RUNDC3B: variants seen among roughly 807,000 people sequenced by gnomAD.
RUNDC3B encodes RUN domain-containing protein 3B.
A neutral mutation model predicts 58.4 loss-of-function variants in RUNDC3B; 33 were observed. The ratio of observed to expected loss-of-function variants is 0.56; its 90% confidence interval spans 0.43 to 0.75. The LOEUF (loss-of-function observed/expected upper bound fraction) is 0.75, where lower values mean the gene tolerates loss of function less well. Ranked by LOEUF, RUNDC3B falls within the 30% of genes least tolerant of loss-of-function variation. The pLI is 0.00. For missense variants in RUNDC3B, 501 were observed against 535.7 expected (o/e 0.94, Z 0.64); for synonymous variants, 193 against 195.2 (o/e 0.99, Z 0.10).
chr7:87,703,416 C>T (rs1180235881), intron 3 of RUNDC3B, among the ~76,000 whole-genome samples: 6 of 152,086 alleles, frequency 3.9e-5, no homozygotes, highest in Non-Finnish European at 5.9e-5. Context: ...TTTTTAGCTC[C>T]TTAATATGAA....
Position 87,831,580 on chromosome 7 carries a change from A to G in RUNDC3B, c.*1550A>G, listed in dbSNP as rs893520461. On this transcript the variant is annotated 3_prime_UTR_variant, in exon 11 of 11. Coordinates refer to ENST00000394654, the MANE Select transcript of RUNDC3B (RefSeq NM_001134405.2). ...GGCTTCAATACTTGTAGAAATGCAA[A>G]TATTCTTGAGAAATGATACATTTTT... 3 of 151,924 alleles carry G rather than the reference A, an allele frequency of 2.0e-5. No homozygotes were observed. The highest frequency in any genetic ancestry group is 7.2e-5 in the African/African-American group (3 of 41,410). The allele number at this position is 151,924 out of a possible 1,614,324, so 9.4% of individuals were successfully genotyped here. A position where few individuals can be genotyped will look rare whatever the true frequency, so the allele number is the denominator to read the frequency against.
intron 8 of RUNDC3B, among the ~76,000 whole-genome samples, chr7:87,797,082 T>A (rs1429752176): frequency 2.0e-5 from 3 of 152,198 alleles, no homozygotes; most frequent in South Asian, 4.1e-4. Flanking sequence ...GCACAAAGTG[T>A]ATAAAGATGT....
At chr7:87,773,191 C>T (rs1222792623) in intron 7 of RUNDC3B, among the ~76,000 whole-genome samples, 3 of 151,976 alleles carry the variant, frequency 2.0e-5, no homozygotes, top group Admixed American at 6.5e-5. Flanking sequence ...GGCATGGTGG[C>T]GGGCACCTGT....
Position 87,740,300 on chromosome 7 carries a change from G to A in RUNDC3B, c.548+420G>A, listed in dbSNP as rs893235100. Among the ~76,000 whole-genome samples the A allele has an allele frequency of 7.3e-5, 11 of 151,682 alleles. 1 individual carries two copies. Among genetic ancestry groups the A allele is most frequent in the Middle Eastern group, 3.4e-3 (1 of 294 alleles). ...ATAAGATCCTGAGAGGCTATCTTGG[G>A]TATCTTACGTCTCTTATGTTATGTA... On this transcript the variant is annotated intron_variant, in intron 5 of 10. Coordinates refer to ENST00000394654, the MANE Select transcript of RUNDC3B (RefSeq NM_001134405.2).
At chr7:87,803,790 A>G (rs1376949858) in intron 8 of RUNDC3B, among the ~76,000 whole-genome samples, 1 of 152,120 alleles carries the variant, frequency 6.6e-6, no homozygotes. Flanking sequence ...GCTGTCCGTG[A>G]ATATTTTGCA....
chr7:87,639,459 G>A (rs956461296), intron 1 of RUNDC3B, among the ~76,000 whole-genome samples: 2 of 151,932 alleles, frequency 1.3e-5, no homozygotes, highest in African/African-American at 2.4e-5. Context: ...CTTGTTTTTT[G>A]TATACTCTTT....
At chr7:87,702,867 G>A (rs1829215574) in intron 3 of RUNDC3B, among the ~76,000 whole-genome samples, 2 of 152,052 alleles carry the variant, frequency 1.3e-5, no homozygotes, top group African/African-American at 4.8e-5. Context: ...CTCAAAATCT[G>A]AAATACTCTT....
chr7:87,793,570 A>T lies in RUNDC3B; in HGVS notation c.957-13803A>T, dbSNP rs140722389. 5.7e-3 allele frequency among the ~76,000 whole-genome samples: 865 copies of T among 152,300 alleles called. 2 individuals are homozygous for T. The highest frequency in any genetic ancestry group is 8.7e-3 in the Non-Finnish European group (594 of 67,992). On this transcript the variant is annotated intron_variant, in intron 8 of 10. Transcript: ENST00000394654. ...CATCATATCAACAGAATGAAGGATTAAAAACCATATGATCATTTCAATCAT... is the reference window on the plus strand; with the variant it reads ...CATCATATCAACAGAATGAAGGATTTAAAACCATATGATCATTTCAATCAT...
At chr7:87,777,983 T>C (rs1563203397) in intron 8 of RUNDC3B, 28 bp downstream of exon 8, 1 of 1,589,074 alleles carries the variant, frequency 6.3e-7, no homozygotes. Flanking sequence ...AGAAAAATGT[T>C]GGTAGCATGT....
chr7:87,681,519 A>G (rs933542879), intron 2 of RUNDC3B, among the ~76,000 whole-genome samples: 5 of 150,862 alleles, frequency 3.3e-5, no homozygotes, highest in African/African-American at 1.2e-4. Flanking sequence ...ACTGTAATCT[A>G]TTAAGTGTGT....
chr7:87,795,173 C>T (rs1408909440), intron 8 of RUNDC3B, among the ~76,000 whole-genome samples: 1 of 152,270 alleles, frequency 6.6e-6, no homozygotes, highest in Non-Finnish European at 1.5e-5. Flanking sequence ...AGAAAACAAT[C>T]AACAAAGTAA....
intron 6 of RUNDC3B, among the ~76,000 whole-genome samples, chr7:87,751,653 G>A (rs36199985): frequency 2.6e-4 from 39 of 152,110 alleles, no homozygotes; most frequent in Admixed American, 4.6e-4. Flanking sequence ...TTGTGAATGG[G>A]AGTTCACTCA....
intron 2 of RUNDC3B, among the ~76,000 whole-genome samples, chr7:87,673,342 T>G (rs1234301927): frequency 6.6e-6 from 1 of 152,226 alleles, no homozygotes; most frequent in Admixed American, 6.5e-5. Flanking sequence ...TCTCCCTCTC[T>G]TTCAGGGATG....
Position 87,829,930 on chromosome 7 carries a change from C to A in RUNDC3B, c.1271C>A (p.Thr424Lys). 6.2e-7 allele frequency: 1 copy of A among 1,608,562 alleles called. No individual in the cohort carries two copies. Among genetic ancestry groups the A allele is most frequent in the East Asian group, 2.2e-5 (1 of 44,664 alleles). ...PSLLGLCGSL[T>K]SVASYKSLTS... ...TTACTTGGCCTCTGTGGATCTCTAA[C>A]GTCAGTGGCAAGTTACAAGTCTCTA... Residue 424 changes from threonine (T) to lysine (K), a missense_variant, in exon 11 of 11, where the codon ACG becomes AAG. Thr to Lys is a moderately conservative substitution (Grantham distance 78). Coordinates refer to ENST00000394654, the MANE Select transcript of RUNDC3B (RefSeq NM_001134405.2).
intron 1 of RUNDC3B, among the ~76,000 whole-genome samples, chr7:87,634,652 C>T (rs963268420): frequency 1.3e-5 from 2 of 151,586 alleles, no homozygotes; most frequent in African/African-American, 4.8e-5. Flanking sequence ...AAAAAAAGAA[C>T]TTTAAATCCA....
chr7:87,705,934 T>G (rs1235700675), intron 3 of RUNDC3B, among the ~76,000 whole-genome samples: 2 of 152,206 alleles, frequency 1.3e-5, no homozygotes, highest in Non-Finnish European at 2.9e-5. Context: ...TTTTTCATTT[T>G]CTTGGCCCCA....
intron 6 of RUNDC3B, among the ~76,000 whole-genome samples, chr7:87,760,535 GA>G (rs1453475176): frequency 6.6e-6 from 1 of 151,952 alleles, no homozygotes; most frequent in Non-Finnish European, 1.5e-5. Flanking sequence ...AAACAATCTT[GA>G]AATACAAAAT....
At chr7:87,638,066 T>A (rs542461046) in intron 1 of RUNDC3B, among the ~76,000 whole-genome samples, 1 of 152,242 alleles carries the variant, frequency 6.6e-6, no homozygotes, top group Non-Finnish European at 1.5e-5. Context: ...ATTAAATTTT[T>A]TTTGTCTTTC....
intron 2 of RUNDC3B, among the ~76,000 whole-genome samples, chr7:87,684,122 G>C (rs952114730): frequency 6.6e-6 from 1 of 152,164 alleles, no homozygotes; most frequent in Non-Finnish European, 1.5e-5. Context: ...TTTACAGCTA[G>C]GTATTAGAAG....
Sources: gnomAD v4.1 joint callset for allele counts (sites outside exome capture counted in the v4.1 genomes callset) on GRCh38, gnomAD v4.1.1 for gene constraint, MANE v1.5 for transcripts, NCBI Gene and HGNC (gene_info 2026-07-23, HGNC 2026-07-21) for gene names.